DLG2: variants seen among roughly 807,000 people sequenced by gnomAD.
DLG2 encodes the protein discs large MAGUK scaffold protein 2.
A neutral mutation model predicts 132.5 loss-of-function variants in DLG2; 45 were observed. That is an observed-to-expected ratio of 0.34 (90% CI 0.27 to 0.44). DLG2 has a LOEUF of 0.44. Ranked by LOEUF, DLG2 falls within the 20% of genes least tolerant of loss-of-function variation. DLG2 has a pLI of 1.00. For synonymous variants in DLG2, 424 were observed against 419.6 expected (o/e 1.01, Z -0.13); for missense variants, 1,045 against 1,196.9 (o/e 0.87, Z 1.87).
intron 7 of DLG2, among the ~76,000 whole-genome samples, chr11:84,319,212 C>T (rs993966523): frequency 2.6e-5 from 4 of 151,750 alleles, no homozygotes; most frequent in Non-Finnish European, 5.9e-5. Flanking sequence ...TCTCTCTTTC[C>T]CTCCCTCCCC....
chr11:85,420,688 G>T (rs1037946617), intron 3 of DLG2, among the ~76,000 whole-genome samples: 2 of 152,206 alleles, frequency 1.3e-5, no homozygotes, highest in Non-Finnish European at 2.9e-5. Flanking sequence ...AGCTGTGGTG[G>T]GCTCTGCCCA....
At chr11:84,016,031 C>G (rs2095163118) in intron 11 of DLG2, among the ~76,000 whole-genome samples, 1 of 152,080 alleles carries the variant, frequency 6.6e-6, no homozygotes, top group Non-Finnish European at 1.5e-5. Flanking sequence ...TCTCCACAGC[C>G]TCATCAGCAG....
At chr11:84,117,355 T>A (rs185971504) in intron 9 of DLG2, among the ~76,000 whole-genome samples, 1 of 152,330 alleles carries the variant, frequency 6.6e-6, no homozygotes, top group East Asian at 1.9e-4. Flanking sequence ...TGCTCCCTCA[T>A]TATAGTTAGA....
chr11:85,579,694 CT>C (rs200811019), intron 3 of DLG2, among the ~76,000 whole-genome samples: 6,094 of 149,782 alleles, frequency 0.041, 179 homozygotes, highest in East Asian at 0.088. Context: ...GGACAAACAA[CT>C]TTTTTTTTTG....
intron 6 of DLG2, among the ~76,000 whole-genome samples, chr11:84,865,207 G>A (rs983438624): frequency 6.6e-6 from 1 of 152,084 alleles, no homozygotes; most frequent in African/African-American, 2.4e-5. Flanking sequence ...CTGTATCCGT[G>A]GAACACACTG....
chr11:83,472,057 A>G (rs2092102586), intron 23 of DLG2, among the ~76,000 whole-genome samples: 1 of 152,178 alleles, frequency 6.6e-6, no homozygotes, highest in Non-Finnish European at 1.5e-5. Context: ...GTGGGAGAAA[A>G]AAGAATCCAA....
At chr11:84,269,453 A>T (rs2097691294) in intron 7 of DLG2, among the ~76,000 whole-genome samples, 1 of 152,194 alleles carries the variant, frequency 6.6e-6, no homozygotes, top group African/African-American at 2.4e-5. Flanking sequence ...AACCTAGCTG[A>T]GACAGCCTTC....
At chr11:84,920,855 T>C (rs1457943540) in intron 6 of DLG2, among the ~76,000 whole-genome samples, 2 of 152,130 alleles carry the variant, frequency 1.3e-5, no homozygotes, top group Non-Finnish European at 2.9e-5. Flanking sequence ...AAGTTTATTC[T>C]AGAATAAAAG....
At chr11:84,943,610 A>T in intron 6 of DLG2, among the ~76,000 whole-genome samples, 1 of 152,170 alleles carries the variant, frequency 6.6e-6, no homozygotes, top group East Asian at 1.9e-4. Context: ...AGCAAAAAGA[A>T]AACTAATGAA....
intron 7 of DLG2, among the ~76,000 whole-genome samples, chr11:84,394,057 A>G (rs1325134176): frequency 6.6e-6 from 1 of 151,866 alleles, no homozygotes; most frequent in East Asian, 1.9e-4. Context: ...AGCTATTTTT[A>G]GTAGAGACAG....
chr11:83,651,865 T>G (rs1405414025), intron 18 of DLG2: 2 of 471,056 alleles, frequency 4.2e-6, no homozygotes, highest in Non-Finnish European at 8.8e-6. Context: ...AAGGTCACAT[T>G]GGCTGTCAAA....
chr11:85,312,774 G>A (rs1381950800), intron 3 of DLG2, among the ~76,000 whole-genome samples: 1 of 151,992 alleles, frequency 6.6e-6, no homozygotes, highest in African/African-American at 2.4e-5. Context: ...TGTCTATGAA[G>A]TGTGATGTCC....
At chr11:84,342,146 T>C (rs1384625558) in intron 7 of DLG2, among the ~76,000 whole-genome samples, 1 of 152,176 alleles carries the variant, frequency 6.6e-6, no homozygotes. Context: ...CTGGCTGTTC[T>C]GTTATTTGAA....
Position 85,498,803 on chromosome 11 carries a change from C to G in DLG2, c.40+99854G>C, listed in dbSNP as rs58749063. ...TTAATCCTAAACTGGCTCAAATCTG[C>G]ACAACTACATGGAAACTGAACAACC... is the stretch of plus-strand genomic sequence containing the variant. On this transcript the variant is annotated intron_variant, in intron 3 of 27. Transcript: ENST00000376104. 1.1e-3 allele frequency among the ~76,000 whole-genome samples: 168 copies of G among 152,210 alleles called. 1 individual carries two copies. The highest frequency in any genetic ancestry group is 3.9e-3 in the African/African-American group (163 of 41,544).
At chr11:84,895,036 T>G (rs2089998186) in intron 6 of DLG2, among the ~76,000 whole-genome samples, 1 of 152,166 alleles carries the variant, frequency 6.6e-6, no homozygotes, top group African/African-American at 2.4e-5. Context: ...TGTATGACAT[T>G]GGATAAGCCA....
Position 84,934,522 on chromosome 11 carries a change from TTTG to T in DLG2, c.357+177136_357+177138del, listed in dbSNP as rs1173888755. 3.5e-3 allele frequency among the ~76,000 whole-genome samples: 418 copies of T among 119,838 alleles called. 56 individuals carry two copies. The highest frequency in any genetic ancestry group is 4.5e-3 in the African/African-American group (139 of 30,822). 78.6% of individuals were successfully genotyped at this position (119,838 alleles called of 152,430 possible). A position where few individuals can be genotyped will look rare whatever the true frequency, so the allele number is the denominator to read the frequency against. ...CCTGGGTGTTTTTTTTTTGTTTTGT[TTTG>T]TTTTTTTTTTTTTTTTTTTTTGGTG... On this transcript the variant is annotated intron_variant, in intron 6 of 27. Transcript: ENST00000376104.
intron 15 of DLG2, among the ~76,000 whole-genome samples, chr11:83,881,047 TA>T (rs35798418): frequency 0.68 from 102,686 of 151,834 alleles, 35,256 homozygotes; most frequent in African/African-American, 0.79. Context: ...TCCATTTTTT[TA>T]AAAAAAATGA....
chr11:85,428,516 C>T (rs1309071265), intron 3 of DLG2, among the ~76,000 whole-genome samples: 1 of 152,206 alleles, frequency 6.6e-6, no homozygotes, highest in East Asian at 1.9e-4. Flanking sequence ...ACAACCTGCT[C>T]CTGTATGACT....
chr11:83,533,103 A>G (rs2095798256), intron 20 of DLG2, among the ~76,000 whole-genome samples: 1 of 152,204 alleles, frequency 6.6e-6, no homozygotes, highest in Non-Finnish European at 1.5e-5. Flanking sequence ...ATCTCAGTTC[A>G]TAAAGATGAA....
Sources: allele counts gnomAD v4.1 joint callset (sites outside exome capture counted in the v4.1 genomes callset), GRCh38; gene constraint gnomAD v4.1.1; transcripts MANE v1.5; gene names NCBI Gene and HGNC (gene_info 2026-07-23, HGNC 2026-07-21).